MIS18A: variants seen among roughly 807,000 people sequenced by gnomAD.
MIS18A encodes protein Mis18-alpha.
A neutral mutation model predicts 25.0 loss-of-function variants in MIS18A; 14 were observed. The ratio of observed to expected loss-of-function variants is 0.56; its 90% CI spans 0.37 to 0.88. MIS18A has a LOEUF of 0.88. Ranked by LOEUF, MIS18A falls within the 40% of genes least tolerant of loss-of-function variation. The pLI is 0.00. For synonymous variants in MIS18A, 134 were observed against 118.6 expected (o/e 1.13, Z -0.84); for missense variants, 292 against 290.8 (o/e 1.00, Z -0.03).
At chr21:32,212,025 T>C in the MIS18A span, among the ~76,000 whole-genome samples, 1 of 152,154 alleles carries the variant, frequency 6.6e-6, no homozygotes, top group Non-Finnish European at 1.5e-5. Context: ...GTTTTTGGTA[T>C]GACAGAAAGT....
the MIS18A span, among the ~76,000 whole-genome samples, chr21:32,218,823 G>C: frequency 6.6e-6 from 1 of 152,100 alleles, no homozygotes; most frequent in Non-Finnish European, 1.5e-5. Context: ...CAGCCACTTT[G>C]GGAAGCTGAG....
At chr21:32,262,571 T>C in the MIS18A span, among the ~76,000 whole-genome samples, 37 of 152,144 alleles carry the variant, frequency 2.4e-4, no homozygotes, top group Admixed American at 6.5e-5. Flanking sequence ...ATCCACACAG[T>C]TGGTTCATGG....
At chr21:32,258,754 G>A in the MIS18A span, among the ~76,000 whole-genome samples, 1,949 of 152,262 alleles carry the variant, frequency 0.013, 35 homozygotes, top group African/African-American at 0.044. Context: ...ACACTTGAAC[G>A]TGCCTGGGGA....
the MIS18A span, among the ~76,000 whole-genome samples, chr21:32,247,634 A>G: frequency 6.6e-6 from 1 of 152,362 alleles, no homozygotes; most frequent in East Asian, 1.9e-4. Flanking sequence ...CCGTTAGGGT[A>G]GGCCTTAATC....
chr21:32,166,733 G>C, the MIS18A span, among the ~76,000 whole-genome samples: 2 of 152,088 alleles, frequency 1.3e-5, no homozygotes, highest in African/African-American at 4.8e-5. Context: ...TCTTAAAAAA[G>C]AATTCGAAAT....
At chr21:32,259,934 A>G in the MIS18A span, 2 of 152,180 alleles carry the variant, frequency 1.3e-5, no homozygotes, top group African/African-American at 2.4e-5. Flanking sequence ...AATTTGGTAA[A>G]TTTCCTTTGA....
chr21:32,262,110 TAA>T, the MIS18A span, among the ~76,000 whole-genome samples: 1 of 152,196 alleles, frequency 6.6e-6, no homozygotes, highest in Admixed American at 6.5e-5. Flanking sequence ...TCAGGCAATT[TAA>T]AGTCTCTGAG....
chr21:32,219,180 G>A, the MIS18A span, among the ~76,000 whole-genome samples: 2 of 152,112 alleles, frequency 1.3e-5, no homozygotes, highest in East Asian at 1.9e-4. Context: ...TTATTCGGGG[G>A]CTAGCAAGAT....
the MIS18A span, among the ~76,000 whole-genome samples, chr21:32,156,154 C>G: frequency 1.3e-5 from 2 of 152,024 alleles, no homozygotes; most frequent in Admixed American, 1.3e-4. Context: ...TTGGAAATGT[C>G]ATTTACAAAT....
chr21:32,193,649 T>C, the MIS18A span, among the ~76,000 whole-genome samples: 1 of 152,202 alleles, frequency 6.6e-6, no homozygotes, highest in Non-Finnish European at 1.5e-5. Flanking sequence ...TCAGCAGCCA[T>C]TCTATTTCTC....
the MIS18A span, among the ~76,000 whole-genome samples, chr21:32,187,877 C>CA: frequency 6.6e-6 from 1 of 152,112 alleles, no homozygotes; most frequent in Non-Finnish European, 1.5e-5. Context: ...TCCCAACCCC[C>CA]AGTGTGATAG....
the MIS18A span, among the ~76,000 whole-genome samples, chr21:32,163,726 T>C: frequency 6.6e-6 from 1 of 152,262 alleles, no homozygotes; most frequent in South Asian, 2.1e-4. Context: ...TTGGCCACTA[T>C]TGCATTGATG....
chr21:32,258,245 G>C, the MIS18A span, among the ~76,000 whole-genome samples: 2 of 152,182 alleles, frequency 1.3e-5, no homozygotes, highest in African/African-American at 2.4e-5. Context: ...TTCCAGTGTA[G>C]AATGCTAGTG....
chr21:32,269,541 C>G, intron 4 of MIS18A, 166 bp downstream of exon 4: 1 of 550,250 alleles, frequency 1.8e-6, no homozygotes, highest in Non-Finnish European at 3.2e-6. Context: ...TAAGCTTTAG[C>G]TTTTGAGTTC....
Position 32,278,836 on chromosome 21 carries a change from G to A in MIS18A, c.179C>T (p.Ser60Leu), listed in dbSNP as rs781247368. 7.5e-6 allele frequency: 12 copies of A among 1,607,662 alleles called. No homozygotes were observed. The highest frequency in any genetic ancestry group is 2.2e-5 in the East Asian group (1 of 44,750). The change falls in exon 1 of 5, where the codon TCG (serine) becomes TTG (leucine). Residue 60 changes from serine to leucine, a missense_variant. Physicochemically the swap from Ser to Leu is moderately radical, Grantham distance 145. Transcript: ENST00000290130. Reference protein sequence around the residue: ...SMWSSMSEDASVADMERAQLE... With the variant: ...SMWSSMSEDALVADMERAQLE... ...CTGCGCCCTCTCCATGTCGGCCACC[G>A]ACGCGTCTTCGCTCATGGAGCTCCA...
chr21:32,229,183 A>G, the MIS18A span, among the ~76,000 whole-genome samples: 4 of 152,220 alleles, frequency 2.6e-5, no homozygotes, highest in Non-Finnish European at 5.9e-5. Context: ...ATATATGTCA[A>G]AAAAACAAAT....
At position 32,270,532 on chromosome 21, in the gene MIS18A, G is replaced by A; in HGVS notation, c.402-3C>T. 3.3e-6 allele frequency: 5 copies of A among 1,536,650 alleles called. No individual in the cohort carries two copies. The highest frequency in any genetic ancestry group is 4.4e-6 in the Non-Finnish European group (5 of 1,143,744). On this transcript the variant is annotated splice_region_variant and splice_polypyrimidine_tract_variant and intron_variant, in intron 2 of 4. Coordinates refer to ENST00000290130, the MANE Select transcript of MIS18A (RefSeq NM_018944.3). ...CGCAGCACAAAGTCTCAAGGACGCT[G>A]CAATAAAGAAATGTCTTGCTTTAGG... is the stretch of plus-strand genomic sequence containing the variant.
the MIS18A span, among the ~76,000 whole-genome samples, chr21:32,257,746 G>T: frequency 6.6e-6 from 1 of 152,200 alleles, no homozygotes; most frequent in Non-Finnish European, 1.5e-5. Context: ...AGTTGTTGGA[G>T]GCTCCGTAGG....
the MIS18A span, among the ~76,000 whole-genome samples, chr21:32,187,564 G>A: frequency 5.3e-5 from 8 of 152,212 alleles, no homozygotes; most frequent in South Asian, 2.1e-4. Context: ...TACATTTTCT[G>A]AGCATCCACT....
Sources: allele counts gnomAD v4.1 joint callset (sites outside exome capture counted in the v4.1 genomes callset), GRCh38; gene constraint gnomAD v4.1.1; transcripts MANE v1.5; gene names NCBI Gene and HGNC (gene_info 2026-07-23, HGNC 2026-07-21).